CYP39A1: variants seen among roughly 807,000 people sequenced by gnomAD.
CYP39A1 encodes the protein cytochrome P450 family 39 subfamily A member 1.
A neutral mutation model predicts 58.1 loss-of-function variants in CYP39A1; 49 were observed. That is an observed-to-expected ratio of 0.84 (90% CI 0.67 to 1.07). The LOEUF is 1.07. Ranked by LOEUF, CYP39A1 falls within the 50% of genes least tolerant of loss-of-function variation. The probability of loss-of-function intolerance (pLI) is 0.00; values close to 1 mark genes in which losing one functional copy is unlikely to be tolerated. For missense variants in CYP39A1, 531 were observed against 539.4 expected (o/e 0.98, Z 0.16); for synonymous variants, 209 against 187.6 (o/e 1.11, Z -0.93).
At chr6:46,616,116 TTTC>T (rs1774531862) in intron 7 of CYP39A1, among the ~76,000 whole-genome samples, 1 of 56,306 alleles carries the variant, frequency 1.8e-5, no homozygotes, top group Non-Finnish European at 3.5e-5. Flanking sequence ...TTTCTTTCTC[TTTC>T]TTTTCTTTCT....
chr6:46,636,871 T>C (rs1342835047), intron 4 of CYP39A1, among the ~76,000 whole-genome samples: 1 of 152,156 alleles, frequency 6.6e-6, no homozygotes, highest in Non-Finnish European at 1.5e-5. Context: ...TTCTAAATCT[T>C]GTCTGAACAG....
chr6:46,606,541 A>T (rs942231198), intron 7 of CYP39A1, among the ~76,000 whole-genome samples: 1 of 152,160 alleles, frequency 6.6e-6, no homozygotes, highest in African/African-American at 2.4e-5. Context: ...TAATCATGAA[A>T]AGGGCTACAG....
At chr6:46,636,709 G>C (rs1776010191) in intron 4 of CYP39A1, among the ~76,000 whole-genome samples, 2 of 152,170 alleles carry the variant, frequency 1.3e-5, no homozygotes, top group African/African-American at 4.8e-5. Flanking sequence ...TAAAACTTTG[G>C]AGTCCTACTG....
chr6:46,627,221 G>C (rs1775366925), intron 6 of CYP39A1, among the ~76,000 whole-genome samples: 1 of 152,068 alleles, frequency 6.6e-6, no homozygotes, highest in Admixed American at 6.5e-5. Context: ...TACATGTGGG[G>C]ATTACAATTC....
intron 6 of CYP39A1, among the ~76,000 whole-genome samples, chr6:46,625,812 C>A (rs1449315260): frequency 6.6e-6 from 1 of 151,942 alleles, no homozygotes; most frequent in East Asian, 1.9e-4. Flanking sequence ...TAATGAGTAA[C>A]ACAAAATATT....
intron 10 of CYP39A1, among the ~76,000 whole-genome samples, chr6:46,581,074 T>G (rs1052525614): frequency 3.3e-5 from 5 of 152,140 alleles, no homozygotes; most frequent in African/African-American, 1.2e-4. Context: ...AGCAAAGACA[T>G]GAAATCAACC....
At chr6:46,565,011 C>T (rs559022239) in intron 10 of CYP39A1, among the ~76,000 whole-genome samples, 72 of 152,280 alleles carry the variant, frequency 4.7e-4, no homozygotes, top group African/African-American at 1.5e-3. Context: ...AATAATCTAG[C>T]ACCTGTGATT....
At chr6:46,558,241 G>A (rs184325611) in intron 10 of CYP39A1, among the ~76,000 whole-genome samples, 161 of 152,134 alleles carry the variant, frequency 1.1e-3, no homozygotes, top group African/African-American at 3.5e-3. Context: ...ACTTATCTAA[G>A]ACTTGGGAAT....
intron 10 of CYP39A1, among the ~76,000 whole-genome samples, chr6:46,578,226 A>G (rs1771942962): frequency 1.3e-5 from 2 of 152,260 alleles, no homozygotes; most frequent in African/African-American, 2.4e-5. Context: ...TTGGAAATGA[A>G]TGAAAACAAA....
intron 3 of CYP39A1, among the ~76,000 whole-genome samples, chr6:46,638,318 A>G (rs968511308): frequency 2.0e-5 from 3 of 152,216 alleles, no homozygotes; most frequent in African/African-American, 7.2e-5. Flanking sequence ...GATATAGTCC[A>G]TGCCTTTAGA....
intron 10 of CYP39A1, among the ~76,000 whole-genome samples, chr6:46,581,171 G>A (rs1399004576): frequency 6.6e-6 from 1 of 152,196 alleles, no homozygotes; most frequent in African/African-American, 2.4e-5. Flanking sequence ...ACTTTAGGAG[G>A]CCAAGGTGGG....
chr6:46,643,298 T>A (rs138170658), intron 1 of CYP39A1, among the ~76,000 whole-genome samples: 340 of 152,330 alleles, frequency 2.2e-3, no homozygotes, highest in Middle Eastern at 0.01. Context: ...TACAGCATTA[T>A]ACATATCTCA....
chr6:46,606,539 A>G (rs1197114688), intron 7 of CYP39A1, among the ~76,000 whole-genome samples: 1 of 152,174 alleles, frequency 6.6e-6, no homozygotes, highest in South Asian at 2.1e-4. Flanking sequence ...GGTAATCATG[A>G]AAAGGGCTAC....
chr6:46,636,548 T>C (rs1776002556), intron 4 of CYP39A1, 66 bp from the exon 5 acceptor site: 1 of 951,586 alleles, frequency 1.1e-6, no homozygotes, highest in South Asian at 1.5e-5. Context: ...GGTCACAGCA[T>C]AAAAAAGGGA....
intron 10 of CYP39A1, among the ~76,000 whole-genome samples, chr6:46,566,531 G>A (rs1031201329): frequency 6.6e-6 from 1 of 152,004 alleles, no homozygotes; most frequent in Non-Finnish European, 1.5e-5. Flanking sequence ...GAACAGCATG[G>A]GGGAAACCAC....
At chr6:46,598,354 G>A (rs965144833) in intron 7 of CYP39A1, among the ~76,000 whole-genome samples, 6 of 152,132 alleles carry the variant, frequency 3.9e-5, no homozygotes, top group East Asian at 1.9e-4. Context: ...GCAATCCTCC[G>A]AAAAAGCAAA....
At chr6:46,648,170 C>G (rs1762446065) in intron 1 of CYP39A1, among the ~76,000 whole-genome samples, 2 of 151,946 alleles carry the variant, frequency 1.3e-5, no homozygotes, top group African/African-American at 4.8e-5. Context: ...GGGTATATAC[C>G]CAAAGGATTA....
At chr6:46,624,419 T>C (rs1775173881) in intron 7 of CYP39A1, among the ~76,000 whole-genome samples, 1 of 152,218 alleles carries the variant, frequency 6.6e-6, no homozygotes, top group Non-Finnish European at 1.5e-5. Context: ...GTTAGCATTG[T>C]TGGCATTCAA....
intron 7 of CYP39A1, among the ~76,000 whole-genome samples, chr6:46,623,448 G>T (rs1395222098): frequency 6.6e-6 from 1 of 152,132 alleles, no homozygotes; most frequent in Non-Finnish European, 1.5e-5. Flanking sequence ...GTCTGTGAGG[G>T]TGTTTCTGGA....
Sources: gnomAD v4.1 joint callset for allele counts (sites outside exome capture counted in the v4.1 genomes callset) on GRCh38, gnomAD v4.1.1 for gene constraint, MANE v1.5 for transcripts, NCBI Gene and HGNC (gene_info 2026-07-23, HGNC 2026-07-21) for gene names.